THSD7B: variants seen among roughly 807,000 people sequenced by gnomAD.
THSD7B encodes thrombospondin type 1 domain containing 7B.
Under a neutral mutation model 213.6 loss-of-function variants are expected in THSD7B, and 138 were observed. The observed-to-expected ratio is 0.65, with a 90% confidence interval of 0.56 to 0.74. The LOEUF (loss-of-function observed/expected upper bound fraction) is 0.74. Among genes scored for constraint, THSD7B ranks in the 30% least tolerant of loss-of-function variants. THSD7B has a pLI of 0.00. For missense variants in THSD7B, 1,931 were observed against 1,991.5 expected (o/e 0.97, Z 0.58); for synonymous variants, 742 against 687.0 (o/e 1.08, Z -1.25).
intron 6 of THSD7B, among the ~76,000 whole-genome samples, chr2:137,160,605 A>T (rs533273056): frequency 6.6e-6 from 1 of 152,256 alleles, no homozygotes; most frequent in South Asian, 2.1e-4. Flanking sequence ...TCTATTTGGT[A>T]TAACTTCATC....
chr2:136,992,148 G>A (rs1172360661), intron 2 of THSD7B, among the ~76,000 whole-genome samples: 1 of 152,166 alleles, frequency 6.6e-6, no homozygotes, highest in African/African-American at 2.4e-5. Context: ...CAATAAAGAT[G>A]CATTTCAGAT....
intron 2 of THSD7B, among the ~76,000 whole-genome samples, chr2:136,949,460 C>T (rs569586433): frequency 1.4e-4 from 22 of 152,290 alleles, no homozygotes; most frequent in Middle Eastern, 3.4e-3. Context: ...ACTGAAATTT[C>T]GGAGGGTTGT....
intron 5 of THSD7B, among the ~76,000 whole-genome samples, chr2:137,141,491 C>T (rs960301336): frequency 2.3e-5 from 1 of 43,598 alleles, no homozygotes; most frequent in Non-Finnish European, 4.6e-5. Context: ...TGCACACACA[C>T]ACTCACACAC....
At chr2:137,448,375 A>G (rs776809936) in intron 14 of THSD7B, among the ~76,000 whole-genome samples, 1 of 152,142 alleles carries the variant, frequency 6.6e-6, no homozygotes, top group Non-Finnish European at 1.5e-5. Flanking sequence ...TAGGAAAATA[A>G]CTCATTTTTG....
At chr2:137,450,702 G>T (rs1573632992) in intron 14 of THSD7B, 143 bp from the exon 15 acceptor site, 2 of 534,232 alleles carry the variant, frequency 3.7e-6, no homozygotes, top group Middle Eastern at 4.3e-4. Context: ...TTAAAATTTT[G>T]GTCTGTTTAT....
intron 12 of THSD7B, among the ~76,000 whole-genome samples, chr2:137,279,471 A>T (rs1392463485): frequency 6.6e-6 from 1 of 152,132 alleles, no homozygotes; most frequent in Non-Finnish European, 1.5e-5. Flanking sequence ...TGAACCTGGG[A>T]GGCTGAGGCT....
At chr2:137,463,310 A>G (rs1687926033) in intron 15 of THSD7B, among the ~76,000 whole-genome samples, 1 of 152,142 alleles carries the variant, frequency 6.6e-6, no homozygotes, top group African/African-American at 2.4e-5. Flanking sequence ...TAATTGGTCC[A>G]AAATTTTATA....
chr2:137,395,784 A>C (rs1219193045), intron 12 of THSD7B, among the ~76,000 whole-genome samples: 1 of 151,434 alleles, frequency 6.6e-6, no homozygotes, highest in African/African-American at 2.4e-5. Context: ...CTGTGAATCC[A>C]TCTGGTCCTG....
At chr2:137,340,853 A>C (rs182116456) in intron 12 of THSD7B, among the ~76,000 whole-genome samples, 2 of 151,804 alleles carry the variant, frequency 1.3e-5, no homozygotes, top group Non-Finnish European at 3.0e-5. Context: ...TTACTTCATA[A>C]CTTGGCTATT....
intron 27 of THSD7B, among the ~76,000 whole-genome samples, chr2:137,672,569 G>A (rs775527170): frequency 9.2e-5 from 14 of 152,098 alleles, no homozygotes; most frequent in Admixed American, 6.5e-4. Flanking sequence ...CATATGAGCC[G>A]CCAAAGAAAC....
At chr2:136,829,035 G>A (rs1682704790) in intron 1 of THSD7B, among the ~76,000 whole-genome samples, 1 of 152,136 alleles carries the variant, frequency 6.6e-6, no homozygotes, top group Non-Finnish European at 1.5e-5. Context: ...GCATGGAACT[G>A]TCCCTTTCCA....
At chr2:136,866,871 C>T (rs748347091) in intron 1 of THSD7B, among the ~76,000 whole-genome samples, 5 of 151,862 alleles carry the variant, frequency 3.3e-5, no homozygotes, top group African/African-American at 7.3e-5. Flanking sequence ...AATTTTGCAG[C>T]GTTTTGGAAG....
At chr2:137,017,944 G>A (rs1686372166) in intron 2 of THSD7B, among the ~76,000 whole-genome samples, 1 of 151,286 alleles carries the variant, frequency 6.6e-6, no homozygotes, top group Admixed American at 6.6e-5. Flanking sequence ...AATGTGGTAA[G>A]AGCATCTGTG....
At chr2:136,822,144 C>G (rs1682573438) in intron 1 of THSD7B, among the ~76,000 whole-genome samples, 1 of 152,108 alleles carries the variant, frequency 6.6e-6, no homozygotes, top group African/African-American at 2.4e-5. Context: ...GTTCAGTCTT[C>G]TTGCCTTTTA....
At chr2:137,452,028 G>T in intron 15 of THSD7B, 1 of 948,940 alleles carries the variant, frequency 1.1e-6, no homozygotes, top group Non-Finnish European at 1.3e-6. Context: ...ATAATAGCAT[G>T]TTTAGTACTG....
At chr2:137,211,106 G>A (rs909407764) in intron 7 of THSD7B, among the ~76,000 whole-genome samples, 3 of 151,832 alleles carry the variant, frequency 2.0e-5, no homozygotes, top group Non-Finnish European at 4.4e-5. Context: ...ATACTTCCTT[G>A]ACATTTAGTG....
intron 17 of THSD7B, among the ~76,000 whole-genome samples, chr2:137,600,857 C>G (rs1387114503): frequency 2.0e-5 from 3 of 152,152 alleles, no homozygotes; most frequent in African/African-American, 7.2e-5. Flanking sequence ...CATGTTATTG[C>G]CCCTGAAGAC....
intron 12 of THSD7B, among the ~76,000 whole-genome samples, chr2:137,373,127 C>T (rs1209234265): frequency 6.4e-4 from 97 of 152,032 alleles, no homozygotes; most frequent in African/African-American, 2.3e-3. Context: ...TTCCAAGTCT[C>T]TGCTATTGTG....
At chr2:137,569,293 A>ATTAT (rs1377358484) in intron 16 of THSD7B, among the ~76,000 whole-genome samples, 2 of 152,206 alleles carry the variant, frequency 1.3e-5, no homozygotes, top group Non-Finnish European at 2.9e-5. Flanking sequence ...GAGCTATAAG[A>ATTAT]TAATACAGTT....
Sources: allele counts gnomAD v4.1 joint callset (sites outside exome capture counted in the v4.1 genomes callset), GRCh38; gene constraint gnomAD v4.1.1; transcripts MANE v1.5; gene names NCBI Gene and HGNC (gene_info 2026-07-23, HGNC 2026-07-21).